The following TRAPPC2 variants were observed in gnomAD, a reference collection of about 807,000 sequenced individuals.
TRAPPC2 encodes the protein trafficking protein particle complex subunit 2, also known as sedlin.
TRAPPC2 carries 4 observed loss-of-function variants against 10.0 expected under a neutral mutation model. The observed-to-expected ratio is 0.40, with a 90% CI of 0.20 to 0.92. The LOEUF (loss-of-function observed/expected upper bound fraction) is 0.92, where lower values mean the gene tolerates loss of function less well. TRAPPC2 is among the 40% of genes least tolerant of loss of function. The pLI, the probability that TRAPPC2 is intolerant of heterozygous loss-of-function variation, is 0.35. For synonymous variants in TRAPPC2, 36 were observed against 37.3 expected (o/e 0.97, Z 0.12); for missense variants, 52 against 108.7 (o/e 0.48, Z 2.32).
chrX:13,714,599 A>G, intron 5 of TRAPPC2, 94 bp from the exon 6 acceptor site: 1 of 499,264 alleles, frequency 2.0e-6, no homozygotes, highest in Non-Finnish European at 3.2e-6. Flanking sequence ...TAAAAACCAA[A>G]GACATTCCAA....
chrX:13,727,874 C>T (rs1228995043), intron 2 of TRAPPC2, among the ~76,000 whole-genome samples: 3 of 110,936 alleles, frequency 2.7e-5, no homozygotes, highest in Non-Finnish European at 3.8e-5. Context: ...AAGAAGAAAA[C>T]AGAGAAGAAT....
intron 4 of TRAPPC2, 189 bp from the exon 5 acceptor site, chrX:13,716,278 CTG>C (rs1307432622): frequency 1.7e-5 from 10 of 600,007 alleles, no homozygotes; most frequent in African/African-American, 1.1e-4. Context: ...TAGAAAATAA[CTG>C]TAAAATAAAG....
At chrX:13,730,464 TGGTG>T (rs1225110032) in intron 2 of TRAPPC2, among the ~76,000 whole-genome samples, 1 of 111,970 alleles carries the variant, frequency 8.9e-6, no homozygotes, top group Non-Finnish European at 1.9e-5. Flanking sequence ...TTTACACTGT[TGGTG>T]GGAGTGTAAA....
At chrX:13,719,804 C>T in intron 3 of TRAPPC2, 67 bp downstream of exon 3, 1 of 797,205 alleles carries the variant, frequency 1.3e-6, no homozygotes, top group Non-Finnish European at 1.7e-6. Context: ...CCTTATCTGT[C>T]CAGATCTTCC....
At chrX:13,716,382 TA>T in intron 4 of TRAPPC2, 151 bp downstream of exon 4, 1 of 729,927 alleles carries the variant, frequency 1.4e-6, no homozygotes, top group Non-Finnish European at 2.0e-6. Flanking sequence ...TTTTCCCCCC[TA>T]AAAAAAGAAA....
chrX:13,716,797 A>C, intron 3 of TRAPPC2, 119 bp from the exon 4 acceptor site: 1 of 606,545 alleles, frequency 1.6e-6, no homozygotes. Flanking sequence ...GTTTGCTTTT[A>C]TACTTTGTTA....
chrX:13,716,862 T>G (rs1433431585), intron 3 of TRAPPC2, 184 bp from the exon 4 acceptor site: 10 of 444,977 alleles, frequency 2.2e-5, no homozygotes, highest in South Asian at 1.2e-4. Flanking sequence ...TTTTTAAATT[T>G]GATATCTACA....
At chrX:13,715,852 C>T (rs2046275205) in intron 5 of TRAPPC2, 152 bp downstream of exon 5, 2 of 987,013 alleles carry the variant, frequency 2.0e-6, no homozygotes, top group Non-Finnish European at 2.6e-6. Flanking sequence ...GAAGACTTAC[C>T]TGCGGAGGGA....
At chrX:13,718,478 A>G (rs1392575165) in intron 3 of TRAPPC2, among the ~76,000 whole-genome samples, 4 of 64,098 alleles carry the variant, frequency 6.2e-5, no homozygotes, top group Admixed American at 2.5e-4. Flanking sequence ...TTATGCAACA[A>G]AGTATTTTTA....
At chrX:13,728,745 G>A (rs1361173080) in intron 2 of TRAPPC2, among the ~76,000 whole-genome samples, 2 of 111,829 alleles carry the variant, frequency 1.8e-5, no homozygotes, top group Non-Finnish European at 3.8e-5. Context: ...TGGAAGTTCT[G>A]GCCAGGGCAA....
chrX:13,731,628 T>C (rs2046679782), intron 2 of TRAPPC2, among the ~76,000 whole-genome samples: 1 of 111,656 alleles, frequency 9.0e-6, no homozygotes, highest in Admixed American at 9.5e-5. Context: ...TTCACTATGG[T>C]ATACCTAGAG....
chrX:13,721,481 C>T (rs1444535760), intron 2 of TRAPPC2: 4 of 111,787 alleles, frequency 3.6e-5, no homozygotes, highest in Non-Finnish European at 5.6e-5. Context: ...CTTCTCAACA[C>T]GGAGTGGAAA....
At chrX:13,731,478 A>G (rs1008433141) in intron 2 of TRAPPC2, among the ~76,000 whole-genome samples, 1 of 112,568 alleles carries the variant, frequency 8.9e-6, no homozygotes, top group African/African-American at 3.2e-5. Context: ...CTGAAGGGAG[A>G]TACGGTAGGT....
chrX:13,719,901 C>T lies in TRAPPC2; in HGVS notation c.63G>A (p.Glu21=), dbSNP rs1283140800. The T allele has an allele frequency of 4.2e-6, 5 of 1,200,177 alleles. No homozygotes were observed. The African/African-American group carries it at 7.0e-5, about 17-fold the overall frequency. ...ATTCTGCCTTCCCAGCTGGCAAAAA[C>T]TCCATTTCAAAAACTGGATTATCAT... is the stretch of plus-strand genomic sequence containing the variant. ...GHHDNPVFEM[E]FLPAGKAESK... The change falls in exon 3 of 6, where the codon GAG becomes GAA. Residue 21 remains glutamate, a synonymous_variant. Coordinates refer to ENST00000380579, the MANE Select transcript of TRAPPC2 (RefSeq NM_001011658.4).
rs760823266 is a variant in TRAPPC2, at chrX:13,716,582, C to T, written c.190G>A (p.Val64Met). Residue 64 changes from valine (V) to methionine (M), a missense_variant, in exon 4 of 6, where the codon GTG becomes ATG. Val to Met is a conservative substitution (Grantham distance 21). Coordinates refer to ENST00000380579, the MANE Select transcript of TRAPPC2 (RefSeq NM_001011658.4). The part of the protein sequence containing the change: ...WLSNNMYLKT[V>M]DKFNEWFVSA... ...ACAAACCACTCGTTGAACTTGTCCACAGTTTTCAAGTACATGTTGTTCGAT... is the reference window on the plus strand; with the variant it reads ...ACAAACCACTCGTTGAACTTGTCCATAGTTTTCAAGTACATGTTGTTCGAT... The T allele has an allele frequency of 8.3e-7, 1 of 1,211,816 alleles. No homozygotes were observed. The highest frequency in any genetic ancestry group is 1.1e-6 in the Non-Finnish European group (1 of 895,410).
At chrX:13,728,713 C>T (rs1030020844) in intron 2 of TRAPPC2, among the ~76,000 whole-genome samples, 2 of 112,118 alleles carry the variant, frequency 1.8e-5, no homozygotes, top group Admixed American at 1.9e-4. Context: ...CCCTCTCTCA[C>T]CACTCCTATT....
intron 2 of TRAPPC2, among the ~76,000 whole-genome samples, chrX:13,723,478 C>T (rs1353649052): frequency 9.0e-6 from 1 of 111,692 alleles, no homozygotes; most frequent in Non-Finnish European, 1.9e-5. Context: ...TGATTCCAAA[C>T]GTTTTATAAA....
intron 2 of TRAPPC2, chrX:13,721,958 C>T (rs2046417391): frequency 9.1e-6 from 1 of 109,854 alleles, no homozygotes; most frequent in Non-Finnish European, 1.9e-5. Flanking sequence ...ATGTTTGCCC[C>T]TGTTTTAGGG....
chrX:13,731,051 G>C (rs947324666), intron 2 of TRAPPC2, among the ~76,000 whole-genome samples: 3 of 111,499 alleles, frequency 2.7e-5, no homozygotes, highest in African/African-American at 9.8e-5. Flanking sequence ...ATGTACCCTA[G>C]AACTTAAAAG....
Sources: allele counts gnomAD v4.1 joint callset (sites outside exome capture counted in the v4.1 genomes callset), GRCh38; gene constraint gnomAD v4.1.1; transcripts MANE v1.5; gene names NCBI Gene and HGNC (gene_info 2026-07-23, HGNC 2026-07-21).